The following ZMAT3 variants were observed in gnomAD, a reference collection of about 807,000 sequenced individuals.
ZMAT3 encodes the protein zinc finger matrin-type 3, also known as zinc finger matrin-type protein 3.
In ZMAT3, 17 loss-of-function variants were observed where a neutral mutation model predicts 32.3. The observed-to-expected ratio is 0.53, with a 90% CI of 0.36 to 0.79. The LOEUF is 0.79. ZMAT3 is among the 30% of genes least tolerant of loss of function. The pLI is 0.00. For missense variants in ZMAT3, 329 were observed against 359.7 expected, an observed-to-expected ratio of 0.91 and a Z score of 0.69; for synonymous variants, 120 against 133.1, an observed-to-expected ratio of 0.90 and a Z score of 0.68.
At chr3:179,060,505 G>A (rs573985760) in intron 2 of ZMAT3, among the ~76,000 whole-genome samples, 96 of 152,144 alleles carry the variant, frequency 6.3e-4, no homozygotes, top group Admixed American at 2.2e-3. Flanking sequence ...TTAGCTGGGC[G>A]TGGTGGCAGG....
At chr3:179,066,133 T>C (rs1170313194) in intron 2 of ZMAT3, among the ~76,000 whole-genome samples, 1 of 152,126 alleles carries the variant, frequency 6.6e-6, no homozygotes, top group Non-Finnish European at 1.5e-5. Flanking sequence ...GCTAACAGAC[T>C]CTGCTTGAAT....
intron 2 of ZMAT3, among the ~76,000 whole-genome samples, chr3:179,054,923 T>C (rs1482353416): frequency 6.6e-6 from 1 of 152,166 alleles, no homozygotes; most frequent in Non-Finnish European, 1.5e-5. Context: ...GGTTCCATGG[T>C]TCTCTTCCAT....
At chr3:179,040,187 A>G (rs2108554951) in intron 2 of ZMAT3, among the ~76,000 whole-genome samples, 1 of 152,270 alleles carries the variant, frequency 6.6e-6, no homozygotes, top group African/African-American at 2.4e-5. Flanking sequence ...AACTTCCCCA[A>G]CCTAGCAAGG....
intron 2 of ZMAT3, among the ~76,000 whole-genome samples, chr3:179,050,060 C>T: frequency 6.8e-6 from 1 of 146,992 alleles, no homozygotes; most frequent in Non-Finnish European, 1.5e-5. Context: ...AAGGTCACAC[C>T]TCACAGAACT....
At chr3:179,026,864 A>C (rs186367582) in intron 5 of ZMAT3, among the ~76,000 whole-genome samples, 17 of 152,366 alleles carry the variant, frequency 1.1e-4, no homozygotes, top group Non-Finnish European at 1.5e-5. Context: ...TACTGAAGAC[A>C]ATCAGAAAAT....
intron 2 of ZMAT3, among the ~76,000 whole-genome samples, chr3:179,051,474 G>A (rs1308509843): frequency 6.6e-6 from 1 of 151,992 alleles, no homozygotes; most frequent in Non-Finnish European, 1.5e-5. Flanking sequence ...ACAAAGAAAA[G>A]TACAAAACAC....
intron 3 of ZMAT3, among the ~76,000 whole-genome samples, chr3:179,029,207 C>T (rs1719048828): frequency 6.6e-6 from 1 of 151,602 alleles, no homozygotes; most frequent in African/African-American, 2.4e-5. Context: ...CTTTACAAAA[C>T]CTGTAACACC....
chr3:179,041,908 C>T (rs1719955310), intron 2 of ZMAT3, among the ~76,000 whole-genome samples: 2 of 151,922 alleles, frequency 1.3e-5, no homozygotes, highest in Non-Finnish European at 2.9e-5. Flanking sequence ...GGGATGTCAC[C>T]ACCGATCCCA....
rs1560081290 is a variant in ZMAT3 at position 179,023,695 on chromosome 3, T to TAA, written c.*1321_*1322insTT. ...TTCCTAAAAACTGCTGGAAAATATA[T>TAA]CTATATATATATATATTTTTTTTTT... On this transcript the variant is annotated 3_prime_UTR_variant, in exon 6 of 6. Transcript: ENST00000311417. 200 of 16,054 alleles carry TAA rather than the reference T, an allele frequency of 0.012. No individual in the cohort carries two copies. The highest frequency in any genetic ancestry group is 0.026 in the African/African-American group (45 of 1,762). 1.0% of individuals were successfully genotyped at this position (16,054 alleles called of 1,614,324 possible).
In ZMAT3 at chr3:179,023,710, ATTTTTTTTT is replaced by A. The variant is rs1164517696; in HGVS notation, c.*1298_*1306del. The A allele has an allele frequency of 8.0e-5, 2 of 25,072 alleles. 1 individual carries two copies. The highest frequency in any genetic ancestry group is 5.4e-3 in the East Asian group (2 of 368). The allele number at this position is 25,072 out of a possible 1,614,324, so 1.6% of individuals were successfully genotyped here. A position where few individuals can be genotyped will look rare whatever the true frequency, so the allele number is the denominator to read the frequency against. ...GGAAAATATATCTATATATATATAT[ATTTTTTTTT>A]TTTTTTTTTTTTTTTTTTTGAGACG... On this transcript the variant is annotated 3_prime_UTR_variant, in exon 6 of 6. Coordinates refer to ENST00000311417, the MANE Select transcript of ZMAT3 (RefSeq NM_022470.4).
chr3:179,059,951 G>A (rs1459531250), intron 2 of ZMAT3, among the ~76,000 whole-genome samples: 1 of 152,144 alleles, frequency 6.6e-6, no homozygotes, highest in Admixed American at 6.5e-5. Context: ...ACCAGTAAGA[G>A]AGCTCACTAA....
intron 2 of ZMAT3, among the ~76,000 whole-genome samples, chr3:179,036,281 G>C (rs1045647740): frequency 2.6e-5 from 4 of 152,120 alleles, no homozygotes; most frequent in Non-Finnish European, 4.4e-5. Context: ...AGATTGACAA[G>C]GTCTAGCCAA....
intron 2 of ZMAT3, among the ~76,000 whole-genome samples, chr3:179,045,950 A>G (rs757587959): frequency 1.3e-5 from 2 of 152,246 alleles, no homozygotes; most frequent in Non-Finnish European, 2.9e-5. Context: ...GGTAAGAATC[A>G]CTTCAGCAGA....
rs939933243 is a variant in ZMAT3 at position 179,068,460 on chromosome 3, C to T, written c.-57-651G>A. On this transcript the variant is annotated intron_variant, in intron 1 of 5. Coordinates refer to ENST00000311417, the MANE Select transcript of ZMAT3 (RefSeq NM_022470.4). ...CGGGGAGGCAGAGGTGGTCGTGAGC[C>T]GAGATCGTGCCATTGCACTCCAGCC... Among the ~76,000 whole-genome samples the T allele has an allele frequency of 5.9e-5, 9 of 151,754 alleles. 1 individual carries two copies. The East Asian group carries it at 9.7e-4, about 16-fold the overall frequency.
rs932981280 is a variant in ZMAT3, at chr3:179,023,153, A to G, written c.*1864T>C. On this transcript the variant is annotated 3_prime_UTR_variant, in exon 6 of 6. Coordinates refer to ENST00000311417, the MANE Select transcript of ZMAT3 (RefSeq NM_022470.4). Reference sequence around the variant, plus strand: ...ACTCCATTAGTTAATCTAGATATATATTATAGCTTCTTTTTTTTTTTTTTT... The same window carrying G: ...ACTCCATTAGTTAATCTAGATATATGTTATAGCTTCTTTTTTTTTTTTTTT... 2.2e-5 allele frequency: 3 copies of G among 135,466 alleles called. No individual in the cohort carries two copies. Among genetic ancestry groups the G allele is most frequent in the African/African-American group, 8.6e-5 (3 of 34,960 alleles). 8.4% of individuals were successfully genotyped at this position (135,466 alleles called of 1,614,324 possible).
chr3:179,039,371 C>T (rs2108553818), intron 2 of ZMAT3, among the ~76,000 whole-genome samples: 1 of 152,304 alleles, frequency 6.6e-6, no homozygotes, highest in African/African-American at 2.4e-5. Context: ...GAGGAAGGAT[C>T]AGGCAGCAAT....
intron 2 of ZMAT3, among the ~76,000 whole-genome samples, chr3:179,048,224 T>C (rs948186754): frequency 3.3e-5 from 5 of 152,196 alleles, no homozygotes; most frequent in Non-Finnish European, 5.9e-5. Flanking sequence ...ATCTAAAAGT[T>C]TGCAAAACAT....
intron 2 of ZMAT3, among the ~76,000 whole-genome samples, chr3:179,052,279 A>T (rs750257943): frequency 3.3e-5 from 5 of 152,230 alleles, no homozygotes; most frequent in Admixed American, 6.5e-5. Context: ...GTCTACAAGG[A>T]ATTCAAACAA....
intron 2 of ZMAT3, among the ~76,000 whole-genome samples, chr3:179,031,920 A>G (rs1429361157): frequency 1.9e-5 from 2 of 104,282 alleles, no homozygotes; most frequent in Non-Finnish European, 4.0e-5. Context: ...TAAAAAAAAA[A>G]AAAACTCTCC....
Sources: allele counts gnomAD v4.1 joint callset (sites outside exome capture counted in the v4.1 genomes callset), GRCh38; gene constraint gnomAD v4.1.1; transcripts MANE v1.5; gene names NCBI Gene and HGNC (gene_info 2026-07-23, HGNC 2026-07-21).